The following RP1L1 variants were observed in gnomAD, a reference collection of about 807,000 sequenced individuals.
RP1L1 encodes the protein RP1 like 1, also known as retinitis pigmentosa 1-like 1 protein.
RP1L1 carries 27 observed loss-of-function variants against 15.7 expected under a neutral mutation model. The observed-to-expected ratio is 1.72, with a 90% CI of 1.27 to 2.38. The LOEUF is 2.38. Among genes scored for constraint, RP1L1 ranks in the 30% most tolerant of loss-of-function variants. The pLI is 0.00. For synonymous variants in RP1L1, 1,813 were observed against 1,276.7 expected (o/e 1.42, Z -8.96); for missense variants, 4,798 against 3,075.9 (o/e 1.56, Z -13.24).
At chr8:10,631,322 C>CAT (rs1491336735) in intron 1 of RP1L1, among the ~76,000 whole-genome samples, 61 of 72,808 alleles carry the variant, frequency 8.4e-4, no homozygotes, top group East Asian at 4.1e-3. Context: ...CACGCACACA[C>CAT]GCACACACAC....
chr8:10,618,971 A>T (rs1158770148), intron 2 of RP1L1, among the ~76,000 whole-genome samples: 1 of 152,150 alleles, frequency 6.6e-6, no homozygotes, highest in Non-Finnish European at 1.5e-5. Context: ...CCCAGGTTCA[A>T]GCAATTCTCC....
rs191360259 is a variant in RP1L1 at position 10,606,869 on chromosome 8, G to A, written c.*26C>T. 9.3e-6 allele frequency: 15 copies of A among 1,608,380 alleles called. No homozygotes were observed. In the Admixed American group the frequency reaches 1.2e-4, roughly 13 times the overall value. ...GAATAAAAACAGAGCTCCCAAGCTC[G>A]TGATTGTTTTCTAGCTTGATCTTGT... is the stretch of plus-strand genomic sequence containing the variant. On this transcript the variant is annotated 3_prime_UTR_variant, in exon 4 of 4. Transcript: ENST00000382483.
In RP1L1 at chr8:10,607,183, A is replaced by G. The variant is rs1291660164; in HGVS notation, c.6915T>C (p.Ser2305=). Reference sequence around the variant, plus strand: ...AGTCTTTCTGCCAGCAGTTGCCCCAAGAGGATGCTCTGGAGGAGGAAGGGC... The same window carrying G: ...AGTCTTTCTGCCAGCAGTTGCCCCAGGAGGATGCTCTGGAGGAGGAAGGGC... The part of the protein sequence containing the change: ...QTGPSSSRAS[S]WGNCWQKDSE... The change falls in exon 4 of 4, where the codon TCT becomes TCC. Residue 2305 remains serine (S), a synonymous_variant. Transcript: ENST00000382483. 5.0e-6 allele frequency: 8 copies of G among 1,614,102 alleles called. No homozygotes were observed. The highest frequency in any genetic ancestry group is 3.3e-5 in the Admixed American group (2 of 60,010).
intron 3 of RP1L1, among the ~76,000 whole-genome samples, chr8:10,614,414 C>G (rs1358778287): frequency 6.6e-6 from 1 of 152,074 alleles, no homozygotes; most frequent in African/African-American, 2.4e-5. Flanking sequence ...AATCCCAACA[C>G]TTTGGGAGGC....
chr8:10,631,397 G>GTT (rs1563135474), intron 1 of RP1L1, among the ~76,000 whole-genome samples: 8 of 122,766 alleles, frequency 6.5e-5, no homozygotes, highest in African/African-American at 2.1e-4. Flanking sequence ...GCACACACAC[G>GTT]CACACACACG....
At chr8:10,617,593 G>C (rs1262755749) in intron 2 of RP1L1, among the ~76,000 whole-genome samples, 2 of 105,414 alleles carry the variant, frequency 1.9e-5, no homozygotes, top group African/African-American at 7.4e-5. Context: ...GTCTCGATCT[G>C]TCACCCAGGC....
At chr8:10,629,702 A>T (rs867597594) in intron 1 of RP1L1, among the ~76,000 whole-genome samples, 1 of 151,858 alleles carries the variant, frequency 6.6e-6, no homozygotes, top group African/African-American at 2.4e-5. Flanking sequence ...AGAGATGGCC[A>T]CTCCCACGCT....
chr8:10,618,546 G>C (rs897762581), intron 2 of RP1L1, among the ~76,000 whole-genome samples: 3 of 151,912 alleles, frequency 2.0e-5, no homozygotes, highest in Non-Finnish European at 4.4e-5. Flanking sequence ...AAAAAAATTA[G>C]CCAGGCATAG....
intron 1 of RP1L1, among the ~76,000 whole-genome samples, chr8:10,637,692 G>A (rs1399975860): frequency 6.6e-6 from 1 of 152,218 alleles, no homozygotes; most frequent in African/African-American, 2.4e-5. Flanking sequence ...GAGTTTTCCT[G>A]CAAAGAAAGA....
At position 10,607,859 on chromosome 8, in the gene RP1L1, G is replaced by A; in HGVS notation, c.6239C>T (p.Pro2080Leu). The change falls in exon 4 of 4, where the codon CCA becomes CTA. Residue 2080 changes from proline to leucine, a missense_variant. Coordinates refer to ENST00000382483, the MANE Select transcript of RP1L1 (RefSeq NM_178857.6). ...EVQEAEGEAHPESEDVDAQEA... is the reference protein window; with the variant it reads ...EVQEAEGEAHLESEDVDAQEA... Reference sequence around the variant, plus strand: ...CTGGGCATCTACATCTTCTGACTCTGGGTGGGCCTCCCCTTCTGCCTCCTG... The same window carrying A: ...CTGGGCATCTACATCTTCTGACTCTAGGTGGGCCTCCCCTTCTGCCTCCTG... The A allele has an allele frequency of 6.3e-7, 1 of 1,590,382 alleles. No individual in the cohort carries two copies.
chr8:10,621,979 C>T (rs1437454419), intron 2 of RP1L1, among the ~76,000 whole-genome samples: 1 of 152,120 alleles, frequency 6.6e-6, no homozygotes, highest in Non-Finnish European at 1.5e-5. Flanking sequence ...AGTTTGTTTC[C>T]TACACTGAAC....
intron 2 of RP1L1, among the ~76,000 whole-genome samples, chr8:10,619,403 A>T (rs1364596733): frequency 6.6e-6 from 1 of 152,204 alleles, no homozygotes; most frequent in Non-Finnish European, 1.5e-5. Flanking sequence ...TCGTTGTTCT[A>T]GTACCCATCA....
At chr8:10,620,829 G>C (rs1248418343) in intron 2 of RP1L1, among the ~76,000 whole-genome samples, 1 of 152,226 alleles carries the variant, frequency 6.6e-6, no homozygotes, top group Non-Finnish European at 1.5e-5. Context: ...TGGCTGTCAT[G>C]TCCAGGGATA....
At chr8:10,648,230 C>G (rs997421243) in intron 1 of RP1L1, among the ~76,000 whole-genome samples, 1 of 152,108 alleles carries the variant, frequency 6.6e-6, no homozygotes, top group Non-Finnish European at 1.5e-5. Context: ...TGGGATTTCA[C>G]TACATAGGCC....
In RP1L1 at chr8:10,612,020, C is replaced by G. The variant is rs201625937; in HGVS notation, c.2078G>C (p.Arg693Pro). The change falls in exon 4 of 4, where the codon CGA (arginine) becomes CCA (proline). Residue 693 changes from arginine (R) to proline (P), a missense_variant. Arg to Pro is a moderately radical substitution (Grantham distance 103, BLOSUM62 -2). Coordinates refer to ENST00000382483, the MANE Select transcript of RP1L1 (RefSeq NM_178857.6). ...CACTGAGCCATCCTGGCAGGCCCTT[C>G]GCCGCTCAGGAGGCCTCGGCACTTG... ...TKQVPRPPER[R>P]RACQDGSVPR... 1 of 1,613,888 alleles carries G rather than the reference C, an allele frequency of 6.2e-7. No individual in the cohort carries two copies. Among genetic ancestry groups the G allele is most frequent in the Non-Finnish European group, 8.5e-7 (1 of 1,180,028 alleles).
At chr8:10,652,665 T>C (rs1350796816) in intron 1 of RP1L1, among the ~76,000 whole-genome samples, 4 of 151,174 alleles carry the variant, frequency 2.6e-5, no homozygotes, top group African/African-American at 7.4e-5. Context: ...TCCTTCTGTA[T>C]TGAAGAAAAA....
chr8:10,611,994 G>C lies in RP1L1; in HGVS notation c.2104C>G (p.Pro702Ala). Residue 702 changes from proline to alanine, a missense_variant, in exon 4 of 4, where the codon CCA becomes GCA. Physicochemically the swap from Pro to Ala is conservative, Grantham distance 27 (BLOSUM62 -1). Coordinates refer to ENST00000382483, the MANE Select transcript of RP1L1 (RefSeq NM_178857.6). ...CTCGATGAGCTTCCAGAATATCGTG[G>C]CACTGAGCCATCCTGGCAGGCCCTT... is the stretch of plus-strand genomic sequence containing the variant. The part of the protein sequence containing the change: ...RRRACQDGSV[P>A]RYSGSSSSTR... 1 of 1,613,804 alleles carries C rather than the reference G, an allele frequency of 6.2e-7. No homozygotes were observed. The highest frequency in any genetic ancestry group is 8.5e-7 in the Non-Finnish European group (1 of 1,179,980).
intron 1 of RP1L1, among the ~76,000 whole-genome samples, chr8:10,642,476 C>T (rs775913709): frequency 6.6e-6 from 1 of 152,200 alleles, no homozygotes; most frequent in Non-Finnish European, 1.5e-5. Flanking sequence ...ATGGTTGGGG[C>T]TACAGATGCC....
Position 10,610,813 on chromosome 8 carries a change from G to A in RP1L1, c.3285C>T (p.Gly1095=), listed in dbSNP as rs368788897. 5.6e-6 allele frequency: 9 copies of A among 1,608,686 alleles called. No individual in the cohort carries two copies. The African/African-American group carries it at 1.2e-4, about 22-fold the overall frequency. Residue 1095 remains glycine, a synonymous_variant, in exon 4 of 4, where the codon GGC becomes GGT. Coordinates refer to ENST00000382483, the MANE Select transcript of RP1L1 (RefSeq NM_178857.6). ...IMRALMGSKQ[G]RPSSVPEVSR... ...ACACTTCGGGCACGCTGCTGGGCCG[G>A]CCCTGCTTGGAGCCCATCAGCGCCC...
Sources: allele counts gnomAD v4.1 joint callset (sites outside exome capture counted in the v4.1 genomes callset), GRCh38; gene constraint gnomAD v4.1.1; transcripts MANE v1.5; gene names NCBI Gene and HGNC (gene_info 2026-07-23, HGNC 2026-07-21).